Variants in PCYT2 observed in about 807,000 individuals in gnomAD.
The protein encoded by PCYT2 is phosphate cytidylyltransferase 2, ethanolamine.
PCYT2 carries 33 observed loss-of-function variants against 50.0 expected under a neutral mutation model. The observed-to-expected ratio is 0.66, with a 90% CI of 0.50 to 0.88. The LOEUF (loss-of-function observed/expected upper bound fraction) is 0.88, where lower values mean the gene tolerates loss of function less well. Among genes scored for constraint, PCYT2 ranks in the 40% least tolerant of loss-of-function variants. PCYT2 has a pLI of 0.00. For synonymous variants in PCYT2, 240 were observed against 203.7 expected, an observed-to-expected ratio of 1.18 and a Z score of -1.52; for missense variants, 430 against 519.7, an observed-to-expected ratio of 0.83 and a Z score of 1.68.
Position 81,911,397 on chromosome 17 carries a change from G to C in PCYT2, c.-42C>G, listed in dbSNP as rs1221118156. 1 of 980,028 alleles carries C rather than the reference G, an allele frequency of 1.0e-6. No homozygotes were observed. Among genetic ancestry groups the C allele is most frequent in the African/African-American group, 1.8e-5 (1 of 56,168 alleles). The allele number at this position is 980,028 out of a possible 1,614,324, so 60.7% of individuals were successfully genotyped here. A position where few individuals can be genotyped will look rare whatever the true frequency, so the allele number is the denominator to read the frequency against. On this transcript the variant is annotated 5_prime_UTR_variant, in exon 1 of 13. Transcript: ENST00000538936. ...CGCGGACAGCCTGGCAGCTCCCGGCGACTCCGAGCGCCGCCGCCCGCCCCG... is the reference window on the plus strand; with the variant it reads ...CGCGGACAGCCTGGCAGCTCCCGGCCACTCCGAGCGCCGCCGCCCGCCCCG...
chr17:81,909,303 A>G, intron 2 of PCYT2: 1 of 1,431,314 alleles, frequency 7.0e-7, no homozygotes, highest in Non-Finnish European at 9.1e-7. Flanking sequence ...GGTGGGGAGC[A>G]GGTGCCCCTT....
chr17:81,905,278 G>T, intron 11 of PCYT2, 104 bp downstream of exon 11: 1 of 1,312,576 alleles, frequency 7.6e-7, no homozygotes, highest in Non-Finnish European at 1.1e-6. Flanking sequence ...AGTCGGAGCA[G>T]CTGCGCCACC....
In PCYT2 at chr17:81,902,104, T is replaced by C; in HGVS notation, c.*2729A>G. The C allele has an allele frequency of 2.1e-6, 1 of 469,784 alleles. No homozygotes were observed. The highest frequency in any genetic ancestry group is 5.1e-5 in the East Asian group (1 of 19,436). 29.1% of individuals were successfully genotyped at this position (469,784 alleles called of 1,614,324 possible). A position where few individuals can be genotyped will look rare whatever the true frequency, so the allele number is the denominator to read the frequency against. On this transcript the variant is annotated 3_prime_UTR_variant, in exon 13 of 13. Coordinates refer to ENST00000538936, the MANE Select transcript of PCYT2 (RefSeq NM_002861.5). ...GCGCTCGCCCGCGCGGCTGGTTCCT[T>C]TGGGATGCGGAGGTGCGACGGCTCC...
intron 1 of PCYT2, chr17:81,911,043 G>A (rs1332392289): frequency 1.0e-6 from 1 of 997,878 alleles, no homozygotes; most frequent in African/African-American, 1.7e-5. Flanking sequence ...GCGTGACCGG[G>A]CGGGGCCTCC....
Position 81,902,326 on chromosome 17 carries a change from C to G in PCYT2, c.*2507G>C. On this transcript the variant is annotated 3_prime_UTR_variant, in exon 13 of 13. Coordinates refer to ENST00000538936, the MANE Select transcript of PCYT2 (RefSeq NM_002861.5). Reference sequence around the variant, plus strand: ...GGCCGCCGCCCTGGCGCTGTGCCTGCTGCTGGCGCCGCCTGGCCTCGCGTG... The same window carrying G: ...GGCCGCCGCCCTGGCGCTGTGCCTGGTGCTGGCGCCGCCTGGCCTCGCGTG... The G allele has an allele frequency of 1.5e-6, 2 of 1,340,048 alleles. No homozygotes were observed. Among genetic ancestry groups the G allele is most frequent in the Non-Finnish European group, 1.9e-6 (2 of 1,052,870 alleles). 83.0% of individuals were successfully genotyped at this position (1,340,048 alleles called of 1,614,324 possible).
Position 81,902,225 on chromosome 17 carries a change from C to G in PCYT2, c.*2608G>C. On this transcript the variant is annotated 3_prime_UTR_variant, in exon 13 of 13. Coordinates refer to ENST00000538936, the MANE Select transcript of PCYT2 (RefSeq NM_002861.5). ...CGCCGCAGATATAAGGCGGCCCAGG[C>G]GGTGGCTGCTCCGAGCCCGGACGCC... The G allele has an allele frequency of 8.2e-7, 1 of 1,214,642 alleles. No individual in the cohort carries two copies. Among genetic ancestry groups the G allele is most frequent in the Non-Finnish European group, 1.0e-6 (1 of 977,134 alleles). 75.2% of individuals were successfully genotyped at this position (1,214,642 alleles called of 1,614,324 possible).
At chr17:81,905,021 A>G (rs1280851763) in intron 12 of PCYT2, 45 bp downstream of exon 12, 3 of 1,591,860 alleles carry the variant, frequency 1.9e-6, no homozygotes, top group Non-Finnish European at 2.6e-6. Flanking sequence ...AGTCTAGCGG[A>G]GAGCGCCCAT....
At chr17:81,908,663 C>G (rs372526475) in intron 3 of PCYT2, 29 bp from the exon 4 acceptor site, 2 of 1,594,438 alleles carry the variant, frequency 1.3e-6, no homozygotes, top group Non-Finnish European at 1.7e-6. Flanking sequence ...GGACAAGGAT[C>G]CTTAACCCAA....
rs1318102113 is a variant in PCYT2 at position 81,902,431 on chromosome 17, T to C, written c.*2402A>G. Reference sequence around the variant, plus strand: ...GCTGTCCGGCCTCCGCAGGTCCCCGTACGCGCGGCGCTCCCAGCCCTACAG... The same window carrying C: ...GCTGTCCGGCCTCCGCAGGTCCCCGCACGCGCGGCGCTCCCAGCCCTACAG... On this transcript the variant is annotated 3_prime_UTR_variant, in exon 13 of 13. Transcript: ENST00000538936. 2.2e-6 allele frequency: 3 copies of C among 1,352,870 alleles called. No homozygotes were observed. The highest frequency in any genetic ancestry group is 3.1e-5 in the African/African-American group (2 of 64,916). 83.8% of individuals were successfully genotyped at this position (1,352,870 alleles called of 1,614,324 possible).
chr17:81,908,040 C>T (rs555605925), intron 4 of PCYT2, among the ~76,000 whole-genome samples, 183 bp from the exon 5 acceptor site: 5 of 152,186 alleles, frequency 3.3e-5, no homozygotes, highest in Non-Finnish European at 7.3e-5. Context: ...ATGGGGAAGG[C>T]CTCCACGCTT....
intron 6 of PCYT2, 91 bp from the exon 7 acceptor site, chr17:81,906,989 G>T: frequency 7.1e-7 from 1 of 1,418,128 alleles, no homozygotes; most frequent in Non-Finnish European, 9.6e-7. Context: ...TCACCTGCCA[G>T]CAATCCCATT....
rs753299418 is a variant in PCYT2 at position 81,902,662 on chromosome 17, G to A, written c.*2171C>T. The A allele has an allele frequency of 3.0e-5, 48 of 1,606,848 alleles. No individual in the cohort carries two copies. The highest frequency in any genetic ancestry group is 1.6e-4 in the Middle Eastern group (1 of 6,066). On this transcript the variant is annotated 3_prime_UTR_variant, in exon 13 of 13. Coordinates refer to ENST00000538936, the MANE Select transcript of PCYT2 (RefSeq NM_002861.5). ...CGTCGCCCCAAACCTGCAGAGGTGC[G>A]AGCGGCTCCCCGACGGCCGCGGGAC... is the stretch of plus-strand genomic sequence containing the variant.
In PCYT2 at chr17:81,905,430, G is replaced by T. The variant is rs149977072; in HGVS notation, c.921C>A (p.His307Gln). 1 of 1,567,080 alleles carries T rather than the reference G, an allele frequency of 6.4e-7. No individual in the cohort carries two copies. The highest frequency in any genetic ancestry group is 1.9e-5 in the Admixed American group (1 of 53,390). ...LSHFKVDLVC[H>Q]GKTEIIPDRD... Reference sequence around the variant, plus strand: ...TGTCAGGGATAATTTCTGTCTTGCCGTGACACACCAGGTCCACCTGGAGAA... The same window carrying T: ...TGTCAGGGATAATTTCTGTCTTGCCTTGACACACCAGGTCCACCTGGAGAA... The change falls in exon 11 of 13, where the codon CAC (histidine) becomes CAA (glutamine). Residue 307 changes from histidine to glutamine, a missense_variant. Physicochemically the swap from His to Gln is conservative, Grantham distance 24 (BLOSUM62 0). Transcript: ENST00000538936.
chr17:81,909,486 G>A (rs771970485), intron 2 of PCYT2, 28 bp downstream of exon 2: 45 of 1,585,610 alleles, frequency 2.8e-5, no homozygotes, highest in East Asian at 1.3e-4. Flanking sequence ...CTGGGGGGCC[G>A]CGGGTGGGCG....
At position 81,902,147 on chromosome 17, in the gene PCYT2, C is replaced by A; in HGVS notation, c.*2686G>T. On this transcript the variant is annotated 3_prime_UTR_variant, in exon 13 of 13. Transcript: ENST00000538936. Reference sequence around the variant, plus strand: ...ACGGCTCCTCCGCGCGCGCCCGCTGCACCCCAGCCCGCCCGCCGCCCCTCC... The same window carrying A: ...ACGGCTCCTCCGCGCGCGCCCGCTGAACCCCAGCCCGCCCGCCGCCCCTCC... 1.1e-6 allele frequency: 1 copy of A among 872,872 alleles called. No individual in the cohort carries two copies. The highest frequency in any genetic ancestry group is 1.5e-6 in the Non-Finnish European group (1 of 676,634). 54.1% of individuals were successfully genotyped at this position (872,872 alleles called of 1,614,324 possible). A position where few individuals can be genotyped will look rare whatever the true frequency, so the allele number is the denominator to read the frequency against.
intron 4 of PCYT2, among the ~76,000 whole-genome samples, chr17:81,908,295 G>A (rs929710484): frequency 6.6e-6 from 1 of 152,216 alleles, no homozygotes; most frequent in Admixed American, 6.5e-5. Flanking sequence ...CCCCAGCAGT[G>A]CCAGCCACGT....
chr17:81,910,455 G>T (rs2040528141), intron 1 of PCYT2, among the ~76,000 whole-genome samples: 1 of 152,218 alleles, frequency 6.6e-6, no homozygotes, highest in Non-Finnish European at 1.5e-5. Context: ...GACATGCTGG[G>T]TAAAATCTGG....
At chr17:81,905,262 T>TG in intron 11 of PCYT2, 108 bp from the exon 12 acceptor site, 1 of 1,309,220 alleles carries the variant, frequency 7.6e-7, no homozygotes. Context: ...CCCATGGGAG[T>TG]GGTGCAGTCG....
rs1474514181 is a variant in PCYT2 at position 81,907,121 on chromosome 17, A to G, written c.538-223T>C. ...CACCACTTCAGCCCAGCAAGCGACC[A>G]CCAGGAGGAGGCAAGGAGCCCTGTG... On this transcript the variant is annotated intron_variant, in intron 6 of 12. Coordinates refer to ENST00000538936, the MANE Select transcript of PCYT2 (RefSeq NM_002861.5). 2.4e-6 allele frequency: 3 copies of G among 1,257,322 alleles called. No homozygotes were observed. The Admixed American group carries it at 7.9e-5, about 33-fold the overall frequency. 77.9% of individuals were successfully genotyped at this position (1,257,322 alleles called of 1,614,324 possible). A position where few individuals can be genotyped will look rare whatever the true frequency, so the allele number is the denominator to read the frequency against.
Sources: allele counts gnomAD v4.1 joint callset (sites outside exome capture counted in the v4.1 genomes callset), GRCh38; gene constraint gnomAD v4.1.1; transcripts MANE v1.5; gene names NCBI Gene and HGNC (gene_info 2026-07-23, HGNC 2026-07-21).